HIVEP3: variants seen among roughly 807,000 people sequenced by gnomAD.
HIVEP3 encodes the protein HIVEP zinc finger 3.
A neutral mutation model predicts 152.8 loss-of-function variants in HIVEP3; 49 were observed. That is an observed-to-expected ratio of 0.32 (90% confidence interval 0.26 to 0.41). The LOEUF is 0.41. Among genes scored for constraint, HIVEP3 ranks in the 10% least tolerant of loss-of-function variants. The pLI, the probability that HIVEP3 is intolerant of heterozygous loss-of-function variation, is 1.00. For synonymous variants in HIVEP3, 1,269 were observed against 1,289.0 expected (o/e 0.98, Z 0.33); for missense variants, 2,790 against 3,103.3 (o/e 0.90, Z 2.40).
chr1:41,607,792 C>T (rs973826632), intron 3 of HIVEP3, among the ~76,000 whole-genome samples: 1 of 152,226 alleles, frequency 6.6e-6, no homozygotes, highest in African/African-American at 2.4e-5. Flanking sequence ...CAGTTTATTT[C>T]TGTCTTATGT....
intron 1 of HIVEP3, among the ~76,000 whole-genome samples, chr1:41,896,577 CTTTT>C (rs35154367): frequency 1.4e-5 from 2 of 141,328 alleles, no homozygotes; most frequent in East Asian, 2.0e-4. Flanking sequence ...CTTTTCTTTT[CTTTT>C]TTTTTTTTTT....
chr1:41,617,544 C>T (rs1272752912), intron 3 of HIVEP3, among the ~76,000 whole-genome samples: 1 of 152,228 alleles, frequency 6.6e-6, no homozygotes, highest in East Asian at 1.9e-4. Flanking sequence ...GAGGGCTGGT[C>T]CAGATACCTC....
chr1:41,521,973 G>A (rs551058537), intron 6 of HIVEP3, among the ~76,000 whole-genome samples: 2 of 152,328 alleles, frequency 1.3e-5, no homozygotes, highest in African/African-American at 4.8e-5. Context: ...ACCTACTGAC[G>A]CATTCCTTAG....
At chr1:41,808,075 C>T (rs2124323109) in intron 1 of HIVEP3, among the ~76,000 whole-genome samples, 1 of 152,314 alleles carries the variant, frequency 6.6e-6, no homozygotes, top group East Asian at 1.9e-4. Flanking sequence ...AGACATTGTC[C>T]TAAGCACTTC....
At chr1:41,647,111 T>C (rs1461188417) in intron 2 of HIVEP3, among the ~76,000 whole-genome samples, 1 of 152,172 alleles carries the variant, frequency 6.6e-6, no homozygotes. Flanking sequence ...TCCAGGACAA[T>C]CACCCTACTC....
At chr1:41,915,387 T>C (rs562233072) in intron 1 of HIVEP3, among the ~76,000 whole-genome samples, 85 of 152,350 alleles carry the variant, frequency 5.6e-4, no homozygotes, top group Non-Finnish European at 9.0e-4. Flanking sequence ...TTAGTTTTTC[T>C]GTTTTTTACT....
chr1:41,826,459 G>A (rs1427434719), intron 1 of HIVEP3, among the ~76,000 whole-genome samples: 1 of 152,174 alleles, frequency 6.6e-6, no homozygotes, highest in African/African-American at 2.4e-5. Flanking sequence ...TATTGCCCAG[G>A]CTGGAGTGCA....
At chr1:41,845,247 T>A (rs1205039059) in intron 1 of HIVEP3, among the ~76,000 whole-genome samples, 1 of 152,120 alleles carries the variant, frequency 6.6e-6, no homozygotes, top group Non-Finnish European at 1.5e-5. Flanking sequence ...ATAATATCCA[T>A]GAGGACAAAG....
In HIVEP3 at chr1:41,891,615, A is replaced by C. The variant is rs572323976; in HGVS notation, c.-801+26798T>G. On this transcript the variant is annotated intron_variant, in intron 1 of 8. Transcript: ENST00000372583. Reference sequence around the variant, plus strand: ...GCACCTAGCTAGATCTCAGCAAATGATTTGAATGTGTGGGGCTCCCTCCAG... The same window carrying C: ...GCACCTAGCTAGATCTCAGCAAATGCTTTGAATGTGTGGGGCTCCCTCCAG... 3.0e-4 allele frequency among the ~76,000 whole-genome samples: 46 copies of C among 152,164 alleles called. 1 individual carries two copies. Among genetic ancestry groups the C allele is most frequent in the Non-Finnish European group, 5.4e-4 (37 of 68,014 alleles).
At chr1:41,599,558 G>C (rs186926586) in intron 3 of HIVEP3, among the ~76,000 whole-genome samples, 1 of 152,242 alleles carries the variant, frequency 6.6e-6, no homozygotes, top group African/African-American at 2.4e-5. Context: ...GGCAGTCAAC[G>C]CACCTGAAAA....
At chr1:42,015,666 G>A (rs1645517787) in intron 1 of HIVEP3, among the ~76,000 whole-genome samples, 2 of 152,198 alleles carry the variant, frequency 1.3e-5, no homozygotes, top group African/African-American at 2.4e-5. Context: ...GAGTCCTTTG[G>A]TGCCACACAA....
rs986834786 is a variant in HIVEP3 at position 41,511,816 on chromosome 1, G to A, written c.6406-550C>T. On this transcript the variant is annotated intron_variant, in intron 8 of 8. Coordinates refer to ENST00000372583, the MANE Select transcript of HIVEP3 (RefSeq NM_024503.5). This position sits in a 1 kb window ranked among gnomAD's most constrained non-coding sequence, Gnocchi z 4.9. ...GGGACAGAGAAGGTGTCGGAAGGGG[G>A]TCAGCTGACAATGATGGTGCTATCG... 6.6e-6 allele frequency among the ~76,000 whole-genome samples: 1 copy of A among 152,166 alleles called. No individual in the cohort carries two copies. The highest frequency in any genetic ancestry group is 6.5e-5 in the Admixed American group (1 of 15,278).
At position 41,664,908 on chromosome 1, in the gene HIVEP3, G is replaced by A. The variant is rs1409927123; in HGVS notation, c.-720-35961C>T. On this transcript the variant is annotated intron_variant, in intron 2 of 8. Coordinates refer to ENST00000372583, the MANE Select transcript of HIVEP3 (RefSeq NM_024503.5). The surrounding 1 kb of genome is among the most constrained non-coding windows in gnomAD (Gnocchi z 4.4). Reference sequence around the variant, plus strand: ...AGTCCTGAGCTGGCCCTAATGAGGTGGAGGGGAAGGATGAAGGAAAATGCA... The same window carrying A: ...AGTCCTGAGCTGGCCCTAATGAGGTAGAGGGGAAGGATGAAGGAAAATGCA... Among the ~76,000 whole-genome samples, 1 of 152,222 alleles carries A rather than the reference G, an allele frequency of 6.6e-6. No homozygotes were observed. The highest frequency in any genetic ancestry group is 2.4e-5 in the African/African-American group (1 of 41,446).
In HIVEP3 at chr1:41,664,777, A is replaced by C; in HGVS notation, c.-720-35830T>G. On this transcript the variant is annotated intron_variant, in intron 2 of 8. Transcript: ENST00000372583. This position sits in a 1 kb window ranked among gnomAD's most constrained non-coding sequence, Gnocchi z 4.4. Reference sequence around the variant, plus strand: ...CTCAGCTAGACTGGCTTGAATGCTCAGGAGACTGGGATGGCTTGGGATTTG... The same window carrying C: ...CTCAGCTAGACTGGCTTGAATGCTCCGGAGACTGGGATGGCTTGGGATTTG... Among the ~76,000 whole-genome samples, 1 of 152,128 alleles carries C rather than the reference A, an allele frequency of 6.6e-6. No individual in the cohort carries two copies. Among genetic ancestry groups the C allele is most frequent in the East Asian group, 1.9e-4 (1 of 5,182 alleles).
intron 2 of HIVEP3, among the ~76,000 whole-genome samples, chr1:41,645,703 G>A (rs746381353): frequency 9.9e-5 from 15 of 152,214 alleles, no homozygotes; most frequent in South Asian, 2.1e-4. Flanking sequence ...CCTCCAGCAC[G>A]GTGTTAACAG....
chr1:41,838,590 T>C (rs535200678), intron 1 of HIVEP3, among the ~76,000 whole-genome samples: 2 of 152,118 alleles, frequency 1.3e-5, no homozygotes, highest in Non-Finnish European at 2.9e-5. Flanking sequence ...TTCTAATTCA[T>C]CAAGAACATT....
rs1644121538 is a variant in HIVEP3 at position 41,873,743 on chromosome 1, G to A, written c.-801+44670C>T. On this transcript the variant is annotated intron_variant, in intron 1 of 8. Coordinates refer to ENST00000372583, the MANE Select transcript of HIVEP3 (RefSeq NM_024503.5). The surrounding 1 kb of genome is among the most constrained non-coding windows in gnomAD (Gnocchi z 4.2). ...AGGAGGGAAAAAAGGACAGAGGGAAGGAGGAGGATTAGAATTCCTCATATC... is the reference window on the plus strand; with the variant it reads ...AGGAGGGAAAAAAGGACAGAGGGAAAGAGGAGGATTAGAATTCCTCATATC... 1.3e-5 allele frequency among the ~76,000 whole-genome samples: 2 copies of A among 152,220 alleles called. No individual in the cohort carries two copies. The highest frequency in any genetic ancestry group is 1.3e-4 in the Admixed American group (2 of 15,288).
intron 1 of HIVEP3, among the ~76,000 whole-genome samples, chr1:41,946,142 A>G (rs4297284): frequency 0.58 from 88,643 of 152,122 alleles, 26,218 homozygotes; most frequent in East Asian, 0.71. Flanking sequence ...CTTCCAGTGC[A>G]GTCTACAAGG....
intron 3 of HIVEP3, among the ~76,000 whole-genome samples, chr1:41,616,917 A>G (rs113164207): frequency 0.028 from 4,241 of 152,306 alleles, 78 homozygotes; most frequent in Middle Eastern, 0.054. Flanking sequence ...TACTGCTCCT[A>G]ACAAGCTTAA....
Sources: allele counts gnomAD v4.1 joint callset (sites outside exome capture counted in the v4.1 genomes callset), GRCh38; gene constraint gnomAD v4.1.1; non-coding constraint Gnocchi (gnomAD v3.1); transcripts MANE v1.5; gene names NCBI Gene and HGNC (gene_info 2026-07-23, HGNC 2026-07-21).